The following RGS6 variants were observed in gnomAD, a reference collection of about 807,000 sequenced individuals.
RGS6 encodes regulator of G-protein signaling 6.
A neutral mutation model predicts 78.5 loss-of-function variants in RGS6; 30 were observed. The observed-to-expected ratio is 0.38, with a 90% CI of 0.29 to 0.52. The LOEUF (loss-of-function observed/expected upper bound fraction) is 0.52. Among genes scored for constraint, RGS6 ranks in the 20% least tolerant of loss-of-function variants. The pLI is 0.85. For synonymous variants in RGS6, 206 were observed against 206.0 expected, an observed-to-expected ratio of 1.00 and a Z score of 0.00; for missense variants, 495 against 609.7, an observed-to-expected ratio of 0.81 and a Z score of 1.98.
chr14:72,308,407 C>T (rs1039247481), intron 2 of RGS6, among the ~76,000 whole-genome samples: 2 of 152,192 alleles, frequency 1.3e-5, no homozygotes, highest in Non-Finnish European at 1.5e-5. Context: ...CTCCTCCAAA[C>T]TTCATATTTT....
chr14:71,996,302 T>C (rs1478720897), intron 2 of RGS6, among the ~76,000 whole-genome samples: 1 of 152,184 alleles, frequency 6.6e-6, no homozygotes, highest in East Asian at 1.9e-4. Context: ...GACTGAATTT[T>C]TATTAATCAA....
intron 2 of RGS6, among the ~76,000 whole-genome samples, chr14:72,167,248 C>A (rs1194689533): frequency 2.6e-5 from 4 of 152,182 alleles, no homozygotes; most frequent in Non-Finnish European, 5.9e-5. Flanking sequence ...GACTGTGGGC[C>A]AGAGATCACC....
intron 3 of RGS6, among the ~76,000 whole-genome samples, chr14:72,412,874 A>T (rs374453234): frequency 1.3e-5 from 2 of 151,292 alleles, no homozygotes; most frequent in Non-Finnish European, 2.9e-5. Context: ...GTAGTTGAGC[A>T]GTTTTGAGTG....
chr14:71,929,187 C>T (rs920738696), upstream of RGS6, among the ~76,000 whole-genome samples: 7 of 152,270 alleles, frequency 4.6e-5, no homozygotes, highest in South Asian at 6.2e-4. Flanking sequence ...CCATTTTAAT[C>T]CATTGAATCC....
intron 3 of RGS6, among the ~76,000 whole-genome samples, chr14:72,385,158 C>T (rs112192933): frequency 6.6e-6 from 1 of 152,136 alleles, no homozygotes; most frequent in African/African-American, 2.4e-5. Context: ...GATAATTTTC[C>T]ATGAATGGAA....
At chr14:72,223,182 A>G (rs532363646) in intron 2 of RGS6, among the ~76,000 whole-genome samples, 9 of 152,298 alleles carry the variant, frequency 5.9e-5, no homozygotes, top group African/African-American at 2.2e-4. Flanking sequence ...GTAAGCCCTA[A>G]AAAAAGAAAA....
At chr14:71,873,174 G>T in the RGS6 span, among the ~76,000 whole-genome samples, 1 of 152,162 alleles carries the variant, frequency 6.6e-6, no homozygotes, top group South Asian at 2.1e-4. Flanking sequence ...GGATGGCTGG[G>T]TCAAATGGTA....
intron 2 of RGS6, among the ~76,000 whole-genome samples, chr14:72,206,228 G>A (rs1478224350): frequency 6.6e-6 from 1 of 152,110 alleles, no homozygotes; most frequent in Non-Finnish European, 1.5e-5. Context: ...ACTTCGGGAG[G>A]CCAAGATGGG....
the RGS6 span, among the ~76,000 whole-genome samples, chr14:71,883,789 C>T: frequency 6.6e-6 from 1 of 152,184 alleles, no homozygotes; most frequent in Admixed American, 6.5e-5. Flanking sequence ...AAAAGATACT[C>T]CCACCAGTGC....
intron 15 of RGS6, among the ~76,000 whole-genome samples, chr14:72,519,025 A>G (rs2096992825): frequency 6.6e-6 from 1 of 152,234 alleles, no homozygotes; most frequent in Admixed American, 6.5e-5. Context: ...GCTATGTGAT[A>G]AGATACCACA....
the RGS6 span, among the ~76,000 whole-genome samples, chr14:72,583,857 C>T: frequency 3.3e-5 from 5 of 152,214 alleles, no homozygotes; most frequent in East Asian, 1.9e-4. Context: ...GGACACCCGC[C>T]GGCTTCCTGC....
At chr14:72,205,291 A>AT (rs2042466819) in intron 2 of RGS6, among the ~76,000 whole-genome samples, 1 of 151,988 alleles carries the variant, frequency 6.6e-6, no homozygotes, top group South Asian at 2.1e-4. Context: ...TTCCATGCAC[A>AT]TTCCCAGTAT....
chr14:71,885,643 G>T, the RGS6 span, among the ~76,000 whole-genome samples: 1 of 152,192 alleles, frequency 6.6e-6, no homozygotes, highest in Non-Finnish European at 1.5e-5. Flanking sequence ...AAAGATTGAG[G>T]CTGTTGGAGA....
Position 72,358,890 on chromosome 14 carries a change from A to G in RGS6, c.184+6696A>G, listed in dbSNP as rs182353289. On this transcript the variant is annotated intron_variant, in intron 3 of 17. Coordinates refer to ENST00000553525, the MANE Select transcript of RGS6 (RefSeq NM_001204424.2). Reference sequence around the variant, plus strand: ...TTGGACATGTCCCCACCCAAATCTCATCTTGATTTGTAATTCCCATAGTCC... The same window carrying G: ...TTGGACATGTCCCCACCCAAATCTCGTCTTGATTTGTAATTCCCATAGTCC... Among the ~76,000 whole-genome samples, 41 of 152,336 alleles carry G rather than the reference A, an allele frequency of 2.7e-4. 1 individual carries two copies. The East Asian group carries it at 6.2e-3, about 23-fold the overall frequency.
the RGS6 span, among the ~76,000 whole-genome samples, chr14:71,902,948 A>G: frequency 6.6e-6 from 1 of 152,250 alleles, no homozygotes; most frequent in Non-Finnish European, 1.5e-5. Flanking sequence ...ACCTGGGATC[A>G]AATCTTTACT....
intron 2 of RGS6, among the ~76,000 whole-genome samples, chr14:72,170,449 G>A (rs1488369631): frequency 6.6e-6 from 1 of 152,126 alleles, no homozygotes; most frequent in Non-Finnish European, 1.5e-5. Flanking sequence ...TTCAGTAGCA[G>A]CAAGATTAAG....
chr14:71,868,864 T>G, the RGS6 span, among the ~76,000 whole-genome samples: 1 of 152,106 alleles, frequency 6.6e-6, no homozygotes, highest in African/African-American at 2.4e-5. Context: ...TATTCTAGGG[T>G]GCCTAGCACA....
intron 3 of RGS6, among the ~76,000 whole-genome samples, chr14:72,435,953 G>A (rs2094891718): frequency 6.6e-6 from 1 of 152,078 alleles, no homozygotes; most frequent in South Asian, 2.1e-4. Flanking sequence ...TGGACATCGG[G>A]GGGACATTAT....
intron 2 of RGS6, among the ~76,000 whole-genome samples, chr14:72,099,563 A>G (rs928618581): frequency 2.0e-5 from 3 of 152,176 alleles, no homozygotes; most frequent in African/African-American, 7.2e-5. Flanking sequence ...ATTTGTTCCC[A>G]GGACAATATC....
Sources: gnomAD v4.1 joint callset for allele counts (sites outside exome capture counted in the v4.1 genomes callset) on GRCh38, gnomAD v4.1.1 for gene constraint, MANE v1.5 for transcripts, NCBI Gene and HGNC (gene_info 2026-07-23, HGNC 2026-07-21) for gene names.